HMGB1: variants seen among roughly 807,000 people sequenced by gnomAD.
HMGB1 encodes the protein high mobility group box 1, also known as high mobility group protein B1.
For synonymous variants in HMGB1, 81 were observed against 84.0 expected (o/e 0.96, Z 0.19); for missense variants, 79 against 253.5 (o/e 0.31, Z 4.67).
At chr13:30,521,356 A>G (rs1281594217) in intron 1 of HMGB1, among the ~76,000 whole-genome samples, 1 of 152,212 alleles carries the variant, frequency 6.6e-6, no homozygotes, top group South Asian at 2.1e-4. Flanking sequence ...TCCTGGACCA[A>G]TTAGTAGTTA....
At chr13:30,496,647 A>C (rs1379641489) in intron 1 of HMGB1, among the ~76,000 whole-genome samples, 1 of 152,230 alleles carries the variant, frequency 6.6e-6, no homozygotes, top group South Asian at 2.1e-4. Context: ...ATTCTTTATT[A>C]AAAAGGTGTT....
At chr13:30,495,534 A>C (rs1487365419) in intron 1 of HMGB1, among the ~76,000 whole-genome samples, 1 of 146,794 alleles carries the variant, frequency 6.8e-6, no homozygotes, top group Non-Finnish European at 1.5e-5. Context: ...GCTGGAGTGC[A>C]GTGGCACCAT....
chr13:30,478,196 G>A (rs1887142851), intron 1 of HMGB1, among the ~76,000 whole-genome samples: 2 of 152,156 alleles, frequency 1.3e-5, no homozygotes, highest in African/African-American at 4.8e-5. Flanking sequence ...AAGTGGCCAG[G>A]CATGGTGGCT....
intron 1 of HMGB1, among the ~76,000 whole-genome samples, chr13:30,523,016 A>G (rs958354454): frequency 6.6e-6 from 1 of 152,178 alleles, no homozygotes; most frequent in Non-Finnish European, 1.5e-5. Flanking sequence ...GCCTGGCCCA[A>G]CTTGCAACAA....
intron 1 of HMGB1, chr13:30,540,331 G>A: frequency 6.2e-6 from 1 of 160,912 alleles, no homozygotes; most frequent in Non-Finnish European, 1.4e-5. Flanking sequence ...GTAGGGTATG[G>A]TCCAGGCCAG....
intron 1 of HMGB1, chr13:30,543,135 T>G (rs1335107977): frequency 6.7e-6 from 1 of 149,586 alleles, no homozygotes; most frequent in African/African-American, 2.5e-5. Flanking sequence ...TTTTTTTTTT[T>G]TTTTTTTTTA....
intron 1 of HMGB1, among the ~76,000 whole-genome samples, chr13:30,604,970 A>C (rs1436181410): frequency 6.6e-6 from 1 of 152,124 alleles, no homozygotes; most frequent in Non-Finnish European, 1.5e-5. Context: ...AATGTTTTTA[A>C]AGTACTGGTG....
At chr13:30,604,839 T>A (rs1300388757) in intron 1 of HMGB1, among the ~76,000 whole-genome samples, 2 of 152,138 alleles carry the variant, frequency 1.3e-5, no homozygotes, top group African/African-American at 4.8e-5. Flanking sequence ...TTTGTATTTT[T>A]AGTACAGACA....
At chr13:30,530,571 G>C (rs531420414) in intron 1 of HMGB1, among the ~76,000 whole-genome samples, 1 of 152,146 alleles carries the variant, frequency 6.6e-6, no homozygotes, top group South Asian at 2.1e-4. Flanking sequence ...CAAATATATA[G>C]GTAAAAGTAT....
At chr13:30,593,234 C>G (rs34634873) in intron 1 of HMGB1, among the ~76,000 whole-genome samples, 1,689 of 152,288 alleles carry the variant, frequency 0.011, 20 homozygotes, top group Middle Eastern at 0.031. Flanking sequence ...ACCACCCCCC[C>G]GTAGAAGCTG....
Position 30,458,937 on chromosome 13 carries a change from G to A in HMGB1, c.*2420C>T, listed in dbSNP as rs904853703. On this transcript the variant is annotated 3_prime_UTR_variant, in exon 5 of 5. Coordinates refer to ENST00000341423, the MANE Select transcript of HMGB1 (RefSeq NM_002128.7). ...ACAGCAAAGTTAGGAAATTTGACTCGTTAATCAATATGCCATATGCCTATC... is the reference window on the plus strand; with the variant it reads ...ACAGCAAAGTTAGGAAATTTGACTCATTAATCAATATGCCATATGCCTATC... 2 of 152,062 alleles carry A rather than the reference G, an allele frequency of 1.3e-5. No homozygotes were observed. The highest frequency in any genetic ancestry group is 6.5e-5 in the Admixed American group (1 of 15,270). 9.4% of individuals were successfully genotyped at this position (152,062 alleles called of 1,614,324 possible).
chr13:30,554,001 G>A, intron 1 of HMGB1: 1 of 1,484,772 alleles, frequency 6.7e-7, no homozygotes, highest in Non-Finnish European at 9.4e-7. Flanking sequence ...AGCAGTTGTT[G>A]TGCTGAACCG....
intron 1 of HMGB1, among the ~76,000 whole-genome samples, chr13:30,593,785 G>A (rs1871478920): frequency 6.6e-6 from 1 of 152,136 alleles, no homozygotes; most frequent in African/African-American, 2.4e-5. Flanking sequence ...GATCCAAAAT[G>A]TGGAACATTC....
At chr13:30,553,394 A>T (rs1011732833) in intron 1 of HMGB1, among the ~76,000 whole-genome samples, 4 of 152,206 alleles carry the variant, frequency 2.6e-5, no homozygotes, top group Non-Finnish European at 4.4e-5. Context: ...CTTTGAAACC[A>T]AGTTTGCTCA....
intron 1 of HMGB1, among the ~76,000 whole-genome samples, chr13:30,536,903 A>G (rs1348616871): frequency 1.3e-5 from 2 of 152,148 alleles, no homozygotes; most frequent in Non-Finnish European, 1.5e-5. Flanking sequence ...CCTGCTCCAC[A>G]GGGCCTGGAT....
intron 1 of HMGB1, among the ~76,000 whole-genome samples, chr13:30,499,300 AGAAATCATCCCAAACCCTTT>A (rs1380476727): frequency 6.6e-6 from 1 of 152,186 alleles, no homozygotes; most frequent in Non-Finnish European, 1.5e-5. Flanking sequence ...AGATGGGTTC[AGAAATCATCCCAAACCCTTT>A]GGGTTTTCCT....
At chr13:30,555,282 C>T (rs1869638360) in intron 1 of HMGB1, among the ~76,000 whole-genome samples, 1 of 152,002 alleles carries the variant, frequency 6.6e-6, no homozygotes, top group Non-Finnish European at 1.5e-5. Flanking sequence ...ACCTCGTGAT[C>T]CGCCCGCCTC....
rs181954262 is a variant in HMGB1 at position 30,574,700 on chromosome 13, G to C, written c.-15+41971C>G. Among the ~76,000 whole-genome samples the C allele has an allele frequency of 1.4e-4, 22 of 152,122 alleles. No homozygotes were observed. In the East Asian group the frequency reaches 4.3e-3, roughly 29 times the overall value. On this transcript the variant is annotated intron_variant, in intron 1 of 4. Coordinates refer to the HMGB1 transcript ENST00000405805. ...TTCAGTGGTAAGAATTCTCATATTT[G>C]GAATAAAAAATGTTATGGGTTGTGC... is the stretch of plus-strand genomic sequence containing the variant.
At chr13:30,530,391 G>A (rs928661303) in intron 1 of HMGB1, among the ~76,000 whole-genome samples, 3 of 152,156 alleles carry the variant, frequency 2.0e-5, no homozygotes, top group African/African-American at 7.2e-5. Flanking sequence ...TTTGTGTAAA[G>A]AATACTCAAC....
Sources: allele counts gnomAD v4.1 joint callset (sites outside exome capture counted in the v4.1 genomes callset), GRCh38; gene constraint gnomAD v4.1.1; transcripts MANE v1.5; gene names NCBI Gene and HGNC (gene_info 2026-07-23, HGNC 2026-07-21).